ALK: variants seen among roughly 807,000 people sequenced by gnomAD.
The protein encoded by ALK is ALK tyrosine kinase receptor.
In ALK, 74 loss-of-function variants were observed where a neutral mutation model predicts 163.1. The observed-to-expected ratio is 0.45, with a 90% confidence interval of 0.38 to 0.55. ALK has a LOEUF of 0.55. ALK is among the 20% of genes least tolerant of loss of function. The pLI, the probability that ALK is intolerant of heterozygous loss-of-function variation, is 0.00. For synonymous variants in ALK, 960 were observed against 843.2 expected, an observed-to-expected ratio of 1.14 and a Z score of -2.40; for missense variants, 2,063 against 2,105.3, an observed-to-expected ratio of 0.98 and a Z score of 0.39.
At chr2:29,490,567 C>A (rs1444542739) in intron 4 of ALK, among the ~76,000 whole-genome samples, 1 of 152,010 alleles carries the variant, frequency 6.6e-6, no homozygotes, top group African/African-American at 2.4e-5. Context: ...TTTTAACAGA[C>A]CCCTCAGAGG....
chr2:29,768,702 A>C (rs2148342465), intron 1 of ALK, among the ~76,000 whole-genome samples: 1 of 92,092 alleles, frequency 1.1e-5, no homozygotes, highest in South Asian at 4.3e-4. Flanking sequence ...ATTTTATTAA[A>C]TTATATATGT....
chr2:29,385,904 C>T (rs899903909), intron 4 of ALK, among the ~76,000 whole-genome samples: 8 of 152,142 alleles, frequency 5.3e-5, no homozygotes, highest in Non-Finnish European at 8.8e-5. Context: ...TATCTAAATA[C>T]GGCCTAAGGA....
chr2:29,879,247 C>G (rs1009580877), intron 1 of ALK, among the ~76,000 whole-genome samples: 20 of 152,188 alleles, frequency 1.3e-4, no homozygotes, highest in African/African-American at 4.8e-4. Flanking sequence ...AAGAATTTGG[C>G]TTGGAAAACT....
At chr2:29,795,938 A>G (rs186811241) in intron 1 of ALK, among the ~76,000 whole-genome samples, 158 of 152,274 alleles carry the variant, frequency 1.0e-3, no homozygotes, top group Middle Eastern at 3.4e-3. Flanking sequence ...GAAAGATAGG[A>G]TGAGGTTGAC....
rs899977423 is a variant in ALK at position 29,921,191 on chromosome 2, C to T, written c.-532G>A. On this transcript the variant is annotated 5_prime_UTR_variant, in exon 1 of 29. Coordinates refer to ENST00000389048, the MANE Select transcript of ALK (RefSeq NM_004304.5). ...TCCAAGCTCTTCTGCCCGGTCTGGG[C>T]GGGAACCGAGGGCGGAGGCTGCCGT... is the stretch of plus-strand genomic sequence containing the variant. 5 of 234,594 alleles carry T rather than the reference C, an allele frequency of 2.1e-5. No individual in the cohort carries two copies. Among genetic ancestry groups the T allele is most frequent in the Non-Finnish European group, 3.4e-5 (4 of 119,174 alleles). The allele number at this position is 234,594 out of a possible 1,614,324, so 14.5% of individuals were successfully genotyped here.
chr2:29,680,843 C>A (rs954982385), intron 3 of ALK, among the ~76,000 whole-genome samples: 3 of 151,978 alleles, frequency 2.0e-5, no homozygotes, highest in African/African-American at 7.2e-5. Flanking sequence ...CTGAAGACTG[C>A]CATAGGTTCT....
chr2:29,878,698 T>C (rs1666783267), intron 1 of ALK, among the ~76,000 whole-genome samples: 1 of 152,110 alleles, frequency 6.6e-6, no homozygotes, highest in South Asian at 2.1e-4. Context: ...TGTCATCTCA[T>C]GAGATTATGG....
chr2:29,658,009 T>A (rs994394908), intron 3 of ALK, among the ~76,000 whole-genome samples: 4 of 152,106 alleles, frequency 2.6e-5, no homozygotes, highest in African/African-American at 9.7e-5. Flanking sequence ...TGGGTGTCTC[T>A]GCGGGCCATG....
chr2:29,228,684 A>C (rs1487815409), intron 16 of ALK, among the ~76,000 whole-genome samples, 200 bp downstream of exon 16: 1 of 151,542 alleles, frequency 6.6e-6, no homozygotes, highest in African/African-American at 2.4e-5. Context: ...GTCGCTGAGG[A>C]AGCCTGGAGG....
At chr2:29,265,046 G>A (rs1367053674) in intron 11 of ALK, among the ~76,000 whole-genome samples, 8 of 151,968 alleles carry the variant, frequency 5.3e-5, no homozygotes, top group African/African-American at 1.9e-4. Flanking sequence ...TTGAGACAGA[G>A]TCTTGCCCTG....
intron 2 of ALK, among the ~76,000 whole-genome samples, chr2:29,699,983 C>A (rs1213856749): frequency 6.6e-6 from 1 of 152,194 alleles, no homozygotes; most frequent in African/African-American, 2.4e-5. Flanking sequence ...CTATTTCTGT[C>A]TCTAGGCCTG....
intron 4 of ALK, among the ~76,000 whole-genome samples, chr2:29,498,791 T>A (rs1215217586): frequency 6.6e-6 from 1 of 152,234 alleles, no homozygotes; most frequent in Non-Finnish European, 1.5e-5. Flanking sequence ...GGGCTTTCAC[T>A]TTTTCCTAAT....
intron 4 of ALK, among the ~76,000 whole-genome samples, chr2:29,391,663 C>T (rs972332769): frequency 4.6e-5 from 7 of 152,030 alleles, no homozygotes; most frequent in Admixed American, 2.6e-4. Context: ...TCCCTTGTTC[C>T]CTCCCTCCCT....
intron 4 of ALK, among the ~76,000 whole-genome samples, chr2:29,430,681 G>A (rs1014379744): frequency 1.3e-5 from 2 of 152,144 alleles, no homozygotes; most frequent in Non-Finnish European, 2.9e-5. Context: ...GGAATCTATG[G>A]GCATACCCAG....
chr2:29,239,900 A>T (rs1664480151), intron 12 of ALK, 70 bp from the exon 13 acceptor site: 9 of 1,557,262 alleles, frequency 5.8e-6, no homozygotes, highest in Non-Finnish European at 7.0e-6. Flanking sequence ...CCAACCCAGC[A>T]GCTTCCAGTG....
chr2:29,833,373 C>A (rs966039800), intron 1 of ALK, among the ~76,000 whole-genome samples: 2 of 152,224 alleles, frequency 1.3e-5, no homozygotes, highest in African/African-American at 4.8e-5. Flanking sequence ...AGACACTGAA[C>A]AAAATAGGAA....
At chr2:29,772,884 A>G (rs754222177) in intron 1 of ALK, among the ~76,000 whole-genome samples, 15 of 152,216 alleles carry the variant, frequency 9.9e-5, no homozygotes, top group Admixed American at 6.5e-5. Context: ...AAAGCAGAGG[A>G]CTGGCTTACC....
At chr2:29,750,762 A>G (rs963119133) in intron 1 of ALK, among the ~76,000 whole-genome samples, 1 of 151,726 alleles carries the variant, frequency 6.6e-6, no homozygotes, top group Non-Finnish European at 1.5e-5. Context: ...AGAGAGAAAG[A>G]GAAAGAAAGA....
chr2:29,414,013 G>C (rs1480112488), intron 4 of ALK, among the ~76,000 whole-genome samples: 1 of 152,178 alleles, frequency 6.6e-6, no homozygotes, highest in Non-Finnish European at 1.5e-5. Context: ...AATTGTATGT[G>C]CTATACTTTT....
Sources: gnomAD v4.1 joint callset for allele counts (sites outside exome capture counted in the v4.1 genomes callset) on GRCh38, gnomAD v4.1.1 for gene constraint, MANE v1.5 for transcripts, NCBI Gene and HGNC (gene_info 2026-07-23, HGNC 2026-07-21) for gene names.